The following NID2 variants were observed in gnomAD, a reference collection of about 807,000 sequenced individuals.
The protein encoded by NID2 is nidogen-2.
NID2 carries 83 observed loss-of-function variants against 145.4 expected under a neutral mutation model. The ratio of observed to expected loss-of-function variants is 0.57; its 90% confidence interval spans 0.48 to 0.69. The LOEUF (loss-of-function observed/expected upper bound fraction) is 0.69. NID2 is among the 30% of genes least tolerant of loss of function. The pLI is 0.00. For missense variants in NID2, 1,807 were observed against 1,765.7 expected, an observed-to-expected ratio of 1.02 and a Z score of -0.42; for synonymous variants, 739 against 701.3, an observed-to-expected ratio of 1.05 and a Z score of -0.85.
At chr14:52,052,700 G>A (rs2140419989) in intron 5 of NID2, among the ~76,000 whole-genome samples, 1 of 152,334 alleles carries the variant, frequency 6.6e-6, no homozygotes, top group Admixed American at 6.5e-5. Flanking sequence ...ACAGTGACAG[G>A]AAACAGAAAA....
In NID2 at chr14:52,038,732, A is replaced by G. The variant is rs529391697; in HGVS notation, c.2257+15T>C. 3 of 1,535,722 alleles carry G rather than the reference A, an allele frequency of 2.0e-6. No homozygotes were observed. The highest frequency in any genetic ancestry group is 1.3e-5 in the South Asian group (1 of 77,842). On this transcript the variant is annotated intron_variant, in intron 9 of 21. Coordinates refer to ENST00000216286, the MANE Select transcript of NID2 (RefSeq NM_007361.4). Reference sequence around the variant, plus strand: ...GGATGTCATTTTTACCCAACAACAAAAAAGGAAACCTTACCTTTGACCGGG... The same window carrying G: ...GGATGTCATTTTTACCCAACAACAAGAAAGGAAACCTTACCTTTGACCGGG...
chr14:52,049,198 TTG>T (rs1360008773), intron 5 of NID2, among the ~76,000 whole-genome samples: 44 of 111,862 alleles, frequency 3.9e-4, no homozygotes, highest in African/African-American at 9.9e-4. Context: ...AATGTTTTTT[TTG>T]TTTGTTTTTA....
chr14:52,042,879 T>C lies in NID2; in HGVS notation c.1482A>G (p.Gln494=), dbSNP rs746451193. The change falls in exon 6 of 22, where the codon CAA becomes CAG. Residue 494 remains glutamine (Q), a synonymous_variant. Coordinates refer to ENST00000216286, the MANE Select transcript of NID2 (RefSeq NM_007361.4). ...NKETCEHNHR[Q]CSRHAFCTDY... is the part of the protein sequence containing the mutation. ...CCGTGCAGAAGGCATGCCGGGAGCA[T>C]TGTCTGTGGTTGTGTTCACAGGTTT... 9 of 1,614,054 alleles carry C rather than the reference T, an allele frequency of 5.6e-6. No individual in the cohort carries two copies. In the Admixed American group the frequency reaches 1.3e-4, roughly 24 times the overall value.
chr14:52,024,899 G>A (rs1891536625), intron 12 of NID2, among the ~76,000 whole-genome samples: 1 of 151,972 alleles, frequency 6.6e-6, no homozygotes, highest in African/African-American at 2.4e-5. Context: ...AAAAAAGGAG[G>A]GAGAGAATCA....
In NID2 at chr14:52,042,901, G is replaced by C. The variant is rs769405172; in HGVS notation, c.1460C>G (p.Thr487Ser). 2 of 1,614,070 alleles carry C rather than the reference G, an allele frequency of 1.2e-6. No individual in the cohort carries two copies. Among genetic ancestry groups the C allele is most frequent in the Admixed American group, 3.3e-5 (2 of 60,004 alleles). ...VFTYNAANKE[T>S]CEHNHRQCSR... The stretch of plus-strand genomic sequence containing the variant: ...GCATTGTCTGTGGTTGTGTTCACAG[G>C]TTTCCTTGTTGGCAGCATTATACGT... The change falls in exon 6 of 22, where the codon ACC becomes AGC. Residue 487 changes from threonine to serine, a missense_variant. Physicochemically the swap from Thr to Ser is moderately conservative, Grantham distance 58 (BLOSUM62 1). Coordinates refer to ENST00000216286, the MANE Select transcript of NID2 (RefSeq NM_007361.4).
intron 7 of NID2, 86 bp downstream of exon 7, chr14:52,042,019 C>G: frequency 6.8e-7 from 1 of 1,463,464 alleles, no homozygotes; most frequent in Non-Finnish European, 9.1e-7. Context: ...TCCTCTGTCA[C>G]TGCGTAAAGG....
At chr14:52,044,432 A>C (rs903675012) in intron 5 of NID2, among the ~76,000 whole-genome samples, 2 of 151,656 alleles carry the variant, frequency 1.3e-5, no homozygotes, top group Non-Finnish European at 2.9e-5. Flanking sequence ...ACCACGCCTG[A>C]CTAATTTTTT....
At chr14:52,023,495 A>G (rs1037681459) in intron 12 of NID2, among the ~76,000 whole-genome samples, 2 of 151,922 alleles carry the variant, frequency 1.3e-5, no homozygotes, top group Non-Finnish European at 2.9e-5. Context: ...AAAAATAAGA[A>G]AAGAAAAAAC....
At position 52,029,570 on chromosome 14, in the gene NID2, T is replaced by A; in HGVS notation, c.2378A>T (p.Gln793Leu). 6.2e-7 allele frequency: 1 copy of A among 1,613,628 alleles called. No homozygotes were observed. The highest frequency in any genetic ancestry group is 8.5e-7 in the Non-Finnish European group (1 of 1,179,544). Residue 793 changes from glutamine (Q) to leucine (L), a missense_variant, in exon 10 of 22, where the codon CAG becomes CTG. Coordinates refer to ENST00000216286, the MANE Select transcript of NID2 (RefSeq NM_007361.4). ...ACCCACACAGTTCCGTCCATCTCCC[T>A]GGTACCCAGATGCGCACTCACAGGT... ...DYTCECASGY[Q>L]GDGRNCVDEN... is the part of the protein sequence containing the mutation.
At chr14:52,048,685 G>A (rs919491568) in intron 5 of NID2, among the ~76,000 whole-genome samples, 7 of 152,258 alleles carry the variant, frequency 4.6e-5, no homozygotes, top group Middle Eastern at 6.8e-3. Flanking sequence ...AATTGAGGGG[G>A]CATCAGAATC....
rs1257838187 is a variant in NID2 at position 52,005,758 on chromosome 14, C to T, written c.4096G>A (p.Val1366Ile). ...QRSHLYGITA[V>I]YPYCPTGRK ...TTACCTGTTGGGCAGTAGGGGTAGA[C>T]TGCAGTTATCCCGTAGAGGTGAGAT... The change falls in exon 21 of 22, where the codon GTC (valine) becomes ATC (isoleucine). Residue 1366 changes from valine (V) to isoleucine (I), a missense_variant. Val to Ile is a conservative substitution (Grantham distance 29, BLOSUM62 3). Coordinates refer to ENST00000216286, the MANE Select transcript of NID2 (RefSeq NM_007361.4). 1 of 1,613,596 alleles carries T rather than the reference C, an allele frequency of 6.2e-7. No individual in the cohort carries two copies. Among genetic ancestry groups the T allele is most frequent in the Middle Eastern group, 1.6e-4 (1 of 6,084 alleles).
intron 11 of NID2, 96 bp from the exon 12 acceptor site, chr14:52,027,440 C>A (rs187150853): frequency 9.9e-5 from 110 of 1,116,116 alleles, no homozygotes; most frequent in Middle Eastern, 6.6e-4. Flanking sequence ...CAGCAACAGA[C>A]CAGGGAATGC....
At chr14:52,054,437 C>T (rs543215791) in intron 3 of NID2, 116 bp from the exon 4 acceptor site, 4 of 1,059,184 alleles carry the variant, frequency 3.8e-6, no homozygotes, top group South Asian at 1.6e-5. Flanking sequence ...CATGGTGGCT[C>T]ACACTTATAA....
chr14:52,068,707 C>T, intron 1 of NID2, 60 bp downstream of exon 1: 1 of 1,465,728 alleles, frequency 6.8e-7, no homozygotes, highest in South Asian at 1.2e-5. Flanking sequence ...GCAGGGTTTC[C>T]GTGAGACCGA....
At chr14:52,048,067 C>T (rs1340285759) in intron 5 of NID2, among the ~76,000 whole-genome samples, 4 of 152,180 alleles carry the variant, frequency 2.6e-5, no homozygotes, top group Non-Finnish European at 5.9e-5. Flanking sequence ...TACAACAAGC[C>T]TTGGATTTCT....
chr14:52,007,689 A>AAGTT (rs1890842132), intron 19 of NID2, 121 bp downstream of exon 19: 1 of 929,292 alleles, frequency 1.1e-6, no homozygotes, highest in South Asian at 1.4e-5. Flanking sequence ...TAGTACTTAA[A>AAGTT]AGTTTACAGA....
chr14:52,053,383 G>A (rs916708905), intron 5 of NID2, among the ~76,000 whole-genome samples, 196 bp downstream of exon 5: 5 of 152,150 alleles, frequency 3.3e-5, no homozygotes, highest in Admixed American at 2.6e-4. Context: ...AAGAGATTCC[G>A]AACAGAATCT....
At chr14:52,014,065 G>C (rs1891124796) in intron 16 of NID2, 1 of 608,560 alleles carries the variant, frequency 1.6e-6, no homozygotes, top group Non-Finnish European at 2.9e-6. Flanking sequence ...GAAACTCCAT[G>C]AACGAACCAG....
chr14:52,010,943 C>T lies in NID2; in HGVS notation c.3655G>A (p.Glu1219Lys), dbSNP rs1230468479. The T allele has an allele frequency of 1.2e-6, 2 of 1,613,964 alleles. No homozygotes were observed. Among genetic ancestry groups the T allele is most frequent in the East Asian group, 2.2e-5 (1 of 44,882 alleles). ...KIESALLDGS[E>K]RKVLFYTDLV... ...TCTGTGTAGAAGAGGACCTTGCGCT[C>T]AGAGCCATCCAGCAGGGCGCTCTCT... Residue 1219 changes from glutamate (E) to lysine (K), a missense_variant, in exon 18 of 22, where the codon GAG (glutamate) becomes AAG (lysine). Glu to Lys is a moderately conservative substitution (Grantham distance 56). Transcript: ENST00000216286.
Sources: gnomAD v4.1 joint callset for allele counts (sites outside exome capture counted in the v4.1 genomes callset) on GRCh38, gnomAD v4.1.1 for gene constraint, MANE v1.5 for transcripts, NCBI Gene and HGNC (gene_info 2026-07-23, HGNC 2026-07-21) for gene names.